The following PIP4P2 variants were observed in gnomAD, a reference collection of about 807,000 sequenced individuals.
The protein encoded by PIP4P2 is type 2 phosphatidylinositol 4,5-bisphosphate 4-phosphatase.
A neutral mutation model predicts 33.3 loss-of-function variants in PIP4P2; 19 were observed. That is an observed-to-expected ratio of 0.57 (90% CI 0.40 to 0.84). The LOEUF is 0.84. PIP4P2 is among the 40% of genes least tolerant of loss of function. The probability of loss-of-function intolerance (pLI) is 0.00; values close to 1 mark genes in which losing one functional copy is unlikely to be tolerated. For missense variants in PIP4P2, 270 were observed against 324.7 expected, an observed-to-expected ratio of 0.83 and a Z score of 1.29; for synonymous variants, 110 against 111.9, an observed-to-expected ratio of 0.98 and a Z score of 0.11.
intron 1 of PIP4P2, among the ~76,000 whole-genome samples, chr8:91,030,335 A>G (rs570989035): frequency 1.8e-4 from 28 of 152,136 alleles, no homozygotes; most frequent in Admixed American, 3.9e-4. Context: ...TTCCATCTCA[A>G]AACAGGATTC....
At chr8:91,010,125 G>A (rs560606081) in intron 4 of PIP4P2, among the ~76,000 whole-genome samples, 18 of 151,788 alleles carry the variant, frequency 1.2e-4, no homozygotes, top group African/African-American at 1.7e-4. Context: ...TTGAGTTAAT[G>A]TGCTAAACAG....
At chr8:91,002,498 G>A (rs189466294) in intron 5 of PIP4P2, among the ~76,000 whole-genome samples, 1 of 152,136 alleles carries the variant, frequency 6.6e-6, no homozygotes, top group Non-Finnish European at 1.5e-5. Context: ...GAATTTATAA[G>A]GGGAAAAGGC....
At chr8:91,001,933 A>G (rs1376750294) in intron 5 of PIP4P2, among the ~76,000 whole-genome samples, 1 of 152,132 alleles carries the variant, frequency 6.6e-6, no homozygotes, top group Non-Finnish European at 1.5e-5. Context: ...AGTTTCTGGA[A>G]CTAGGTTTTC....
intron 5 of PIP4P2, among the ~76,000 whole-genome samples, chr8:91,001,431 C>T (rs1811698262): frequency 6.6e-6 from 1 of 152,026 alleles, no homozygotes; most frequent in South Asian, 2.1e-4. Context: ...AATCTGTTCC[C>T]TATTTCTACA....
intron 4 of PIP4P2, among the ~76,000 whole-genome samples, chr8:91,011,352 T>A (rs374107826): frequency 1.3e-5 from 2 of 152,050 alleles, no homozygotes; most frequent in East Asian, 3.8e-4. Context: ...TAGTAAACTC[T>A]GCTGTTCAGT....
At chr8:90,997,693 G>A (rs1403242070) in intron 5 of PIP4P2, among the ~76,000 whole-genome samples, 1 of 151,996 alleles carries the variant, frequency 6.6e-6, no homozygotes, top group Non-Finnish European at 1.5e-5. Context: ...GCAAGGCATC[G>A]TGTTAGTGAA....
chr8:91,019,414 AAAAAAAAAAAT>A (rs1811968535), intron 3 of PIP4P2, among the ~76,000 whole-genome samples: 4 of 145,886 alleles, frequency 2.7e-5, no homozygotes, highest in Non-Finnish European at 4.5e-5. Context: ...AAAAAAAAAA[AAAAAAAAAAAT>A]ATATTACCTG....
At chr8:91,007,560 CT>C (rs1407371589) in intron 5 of PIP4P2, among the ~76,000 whole-genome samples, 1 of 152,098 alleles carries the variant, frequency 6.6e-6, no homozygotes, top group African/African-American at 2.4e-5. Context: ...GTTTAATTTA[CT>C]TTGCTTCAGT....
intron 3 of PIP4P2, 50 bp downstream of exon 3, chr8:91,020,107 T>C (rs1415877318): frequency 1.9e-6 from 3 of 1,581,322 alleles, no homozygotes; most frequent in South Asian, 1.1e-5. Flanking sequence ...TAGTAAATAC[T>C]TGTTGAATGA....
intron 4 of PIP4P2, among the ~76,000 whole-genome samples, chr8:91,010,815 G>A (rs1056914340): frequency 3.3e-5 from 5 of 151,510 alleles, no homozygotes; most frequent in African/African-American, 1.2e-4. Flanking sequence ...ATATCAGCAA[G>A]ATTAAAAGCA....
rs79538928 is a variant in PIP4P2 at position 90,998,618 on chromosome 8, C to T, written c.540-1874G>A. ...ATAAGGCCACACACTTACAAACGTA[C>T]AACTATCTGATCTTCAACAAACCTG... On this transcript the variant is annotated intron_variant, in intron 5 of 6. Coordinates refer to ENST00000285419, the MANE Select transcript of PIP4P2 (RefSeq NM_018710.3). 9.7e-3 allele frequency among the ~76,000 whole-genome samples: 1,477 copies of T among 152,036 alleles called. 16 individuals are homozygous for T. Among genetic ancestry groups the T allele is most frequent in the Middle Eastern group, 0.024 (7 of 294 alleles).
chr8:91,009,719 C>A (rs1811805653), intron 4 of PIP4P2, among the ~76,000 whole-genome samples: 1 of 151,828 alleles, frequency 6.6e-6, no homozygotes, highest in Non-Finnish European at 1.5e-5. Flanking sequence ...AAACGTTTTC[C>A]ACACAATAGA....
intron 1 of PIP4P2, among the ~76,000 whole-genome samples, chr8:91,039,925 G>T (rs550385388): frequency 1.3e-5 from 2 of 151,992 alleles, no homozygotes; most frequent in African/African-American, 4.8e-5. Context: ...ATTAATTTGG[G>T]TTACTTTTTA....
chr8:91,040,520 T>C (rs1586190286), intron 1 of PIP4P2, 124 bp downstream of exon 1: 3 of 1,117,232 alleles, frequency 2.7e-6, no homozygotes, highest in Middle Eastern at 2.7e-4. Flanking sequence ...GTCAGCATCC[T>C]TCCTCAGCCC....
At chr8:91,037,310 T>C (rs183425611) in intron 1 of PIP4P2, among the ~76,000 whole-genome samples, 2 of 152,342 alleles carry the variant, frequency 1.3e-5, no homozygotes, top group Admixed American at 6.5e-5. Flanking sequence ...CTTAAGTTCC[T>C]TGTATTTGTC....
rs186522484 is a variant in PIP4P2, at chr8:91,017,355, C to T, written c.486+1035G>A. On this transcript the variant is annotated intron_variant, in intron 4 of 6. Transcript: ENST00000285419. The stretch of plus-strand genomic sequence containing the variant: ...CAGGGGTTGCAGTGAGCTGAGATCA[C>T]GCCACTGTACTCCAGCCTGGGCGAC... Among the ~76,000 whole-genome samples the T allele has an allele frequency of 1.8e-3, 268 of 151,754 alleles. 1 individual carries two copies. The highest frequency in any genetic ancestry group is 6.2e-3 in the African/African-American group (258 of 41,372).
At chr8:90,998,316 T>C (rs1040235222) in intron 5 of PIP4P2, among the ~76,000 whole-genome samples, 4 of 152,050 alleles carry the variant, frequency 2.6e-5, no homozygotes, top group South Asian at 2.1e-4. Flanking sequence ...GTACATTAAT[T>C]TCAGTGCATG....
intron 5 of PIP4P2, among the ~76,000 whole-genome samples, chr8:91,003,323 T>C (rs1449401005): frequency 1.3e-5 from 2 of 152,142 alleles, no homozygotes; most frequent in Non-Finnish European, 2.9e-5. Context: ...TGAGAGATGC[T>C]GAATACATGA....
At position 90,995,783 on chromosome 8, in the gene PIP4P2, G is replaced by C. The variant is rs748605922; in HGVS notation, c.668C>G (p.Thr223Ser). Residue 223 changes from threonine (T) to serine (S), a missense_variant, in exon 7 of 7, where the codon ACC becomes AGC. Coordinates refer to ENST00000285419, the MANE Select transcript of PIP4P2 (RefSeq NM_018710.3). ...TPDFARRFRA[T>S]YVSWAIAYLL... ...ATAAGCAATTGCCCAAGAAACATAG[G>C]TTGCTCGAAATCGCCTTGCAAAATC... is the stretch of plus-strand genomic sequence containing the variant. 1 of 1,610,234 alleles carries C rather than the reference G, an allele frequency of 6.2e-7. No individual in the cohort carries two copies. The highest frequency in any genetic ancestry group is 1.3e-5 in the African/African-American group (1 of 74,672).
Sources: gnomAD v4.1 joint callset for allele counts (sites outside exome capture counted in the v4.1 genomes callset) on GRCh38, gnomAD v4.1.1 for gene constraint, MANE v1.5 for transcripts, NCBI Gene and HGNC (gene_info 2026-07-23, HGNC 2026-07-21) for gene names.